Variants in SLC4A4 observed in about 807,000 individuals in gnomAD.
SLC4A4 encodes electrogenic sodium bicarbonate cotransporter 1.
SLC4A4 carries 27 observed loss-of-function variants against 111.5 expected under a neutral mutation model. The ratio of observed to expected loss-of-function variants is 0.24; its 90% CI spans 0.18 to 0.33. SLC4A4 has a LOEUF of 0.33. Among genes scored for constraint, SLC4A4 ranks in the 10% least tolerant of loss-of-function variants. The probability of loss-of-function intolerance (pLI) is 1.00; values close to 1 mark genes in which losing one functional copy is unlikely to be tolerated. For missense variants in SLC4A4, 909 were observed against 1,315.5 expected, an observed-to-expected ratio of 0.69 and a Z score of 4.78; for synonymous variants, 443 against 463.4, an observed-to-expected ratio of 0.96 and a Z score of 0.57.
intron 2 of SLC4A4, among the ~76,000 whole-genome samples, chr4:71,155,553 C>A (rs1304241400): frequency 6.6e-6 from 1 of 152,126 alleles, no homozygotes; most frequent in Non-Finnish European, 1.5e-5. Context: ...GCCTTGAACT[C>A]CTGGGTTCAA....
intron 2 of SLC4A4, among the ~76,000 whole-genome samples, chr4:71,149,110 C>T (rs1243062660): frequency 6.6e-6 from 1 of 152,092 alleles, no homozygotes; most frequent in African/African-American, 2.4e-5. Flanking sequence ...CTAAGGTCCT[C>T]TCTAGAAATA....
At chr4:71,242,219 T>G (rs1720302185) in intron 2 of SLC4A4, among the ~76,000 whole-genome samples, 1 of 152,226 alleles carries the variant, frequency 6.6e-6, no homozygotes, top group African/African-American at 2.4e-5. Context: ...ACGTGGTACT[T>G]GCATTGTGTT....
Position 71,572,003 on chromosome 4 carries a change from A to G in SLC4A4, c.*4252A>G, listed in dbSNP as rs570693028. 1 of 152,320 alleles carries G rather than the reference A, an allele frequency of 6.6e-6. No individual in the cohort carries two copies. Among genetic ancestry groups the G allele is most frequent in the Non-Finnish European group, 1.5e-5 (1 of 67,914 alleles). The allele number at this position is 152,320 out of a possible 1,614,324, so 9.4% of individuals were successfully genotyped here. A position where few individuals can be genotyped will look rare whatever the true frequency, so the allele number is the denominator to read the frequency against. ...TTCTATTGTGACTTTTATGGAATTA[A>G]GAGATGAAGAAGATGAGATATTTTA... On this transcript the variant is annotated 3_prime_UTR_variant, in exon 26 of 26. Coordinates refer to ENST00000264485, the MANE Select transcript of SLC4A4 (RefSeq NM_001098484.3).
At chr4:71,137,890 G>A (rs1035320895) in intron 2 of SLC4A4, among the ~76,000 whole-genome samples, 1 of 152,142 alleles carries the variant, frequency 6.6e-6, no homozygotes, top group Admixed American at 6.5e-5. Context: ...ATTTCACAAA[G>A]AAACAAACCC....
chr4:71,226,423 C>T (rs1439564679), intron 1 of SLC4A4, among the ~76,000 whole-genome samples: 1 of 152,094 alleles, frequency 6.6e-6, no homozygotes, highest in Non-Finnish European at 1.5e-5. Flanking sequence ...GGTCCAGGTA[C>T]CTCTTAATTT....
chr4:71,474,666 G>A (rs1295017819), intron 14 of SLC4A4, among the ~76,000 whole-genome samples: 1 of 151,608 alleles, frequency 6.6e-6, no homozygotes, highest in Non-Finnish European at 1.5e-5. Flanking sequence ...TTCTTTTTGT[G>A]TTAAGATAAA....
rs1733091174 is a variant in SLC4A4, at chr4:71,522,982, T to G, written c.2167-9080T>G. ...TTAGCTGTATTCTAGAACCATTTTT[T>G]TAATTGACATTTTGGTCTGTGGCCA... is the stretch of plus-strand genomic sequence containing the variant. On this transcript the variant is annotated intron_variant, in intron 16 of 25. Transcript: ENST00000264485. Among the ~76,000 whole-genome samples the G allele has an allele frequency of 2.6e-5, 4 of 152,198 alleles. No individual in the cohort carries two copies. In the South Asian group the frequency reaches 8.3e-4, roughly 32 times the overall value.
intron 2 of SLC4A4, among the ~76,000 whole-genome samples, chr4:71,155,898 G>A (rs1744449353): frequency 6.6e-6 from 1 of 152,146 alleles, no homozygotes; most frequent in Non-Finnish European, 1.5e-5. Context: ...CATTTGATAT[G>A]ACAGCTATTG....
intron 2 of SLC4A4, among the ~76,000 whole-genome samples, chr4:71,114,474 CA>C (rs1466331360): frequency 3.0e-4 from 44 of 148,958 alleles, no homozygotes; most frequent in African/African-American, 1.0e-3. Flanking sequence ...ACAATGAACT[CA>C]AACAAATTTA....
intron 3 of SLC4A4, among the ~76,000 whole-genome samples, chr4:71,306,155 A>C (rs1285548765): frequency 1.3e-5 from 2 of 152,204 alleles, no homozygotes; most frequent in Admixed American, 1.3e-4. Flanking sequence ...TCTTAGTGAC[A>C]GTACACCAGG....
At chr4:71,115,188 G>A (rs1335344382) in intron 2 of SLC4A4, among the ~76,000 whole-genome samples, 1 of 130,450 alleles carries the variant, frequency 7.7e-6, no homozygotes, top group African/African-American at 2.9e-5. Flanking sequence ...GACTGTTGTG[G>A]GGTGGGGGGA....
intron 24 of SLC4A4, among the ~76,000 whole-genome samples, chr4:71,565,425 C>A (rs1181634250): frequency 4.0e-5 from 6 of 151,856 alleles, no homozygotes; most frequent in African/African-American, 1.4e-4. Context: ...AACTCTCACC[C>A]TGCTCTGTCT....
At chr4:71,360,109 G>A (rs913750521) in intron 6 of SLC4A4, among the ~76,000 whole-genome samples, 4 of 152,042 alleles carry the variant, frequency 2.6e-5, no homozygotes, top group Admixed American at 6.6e-5. Context: ...CAAAGATAAC[G>A]AATACTGAAA....
chr4:71,359,309 A>C (rs904645548), intron 6 of SLC4A4, among the ~76,000 whole-genome samples: 12 of 152,222 alleles, frequency 7.9e-5, no homozygotes, highest in Middle Eastern at 3.2e-3. Context: ...AAGGGTATGC[A>C]GTTCTTTTCC....
intron 6 of SLC4A4, among the ~76,000 whole-genome samples, chr4:71,394,109 A>T (rs1465329543): frequency 1.3e-5 from 2 of 152,194 alleles, no homozygotes; most frequent in African/African-American, 4.8e-5. Flanking sequence ...TTAAGCAAGG[A>T]TTTCATGACG....
chr4:71,164,389 A>C (rs1405618119), intron 2 of SLC4A4, among the ~76,000 whole-genome samples: 1 of 152,020 alleles, frequency 6.6e-6, no homozygotes, highest in African/African-American at 2.4e-5. Flanking sequence ...CCAAAAAAAA[A>C]AAAAAAAAGC....
At chr4:71,332,724 G>T (rs1728116048) in intron 3 of SLC4A4, among the ~76,000 whole-genome samples, 1 of 152,168 alleles carries the variant, frequency 6.6e-6, no homozygotes, top group African/African-American at 2.4e-5. Context: ...GAGCCACCGC[G>T]CCCGGCCGAC....
intron 2 of SLC4A4, among the ~76,000 whole-genome samples, chr4:71,239,332 G>T (rs537309820): frequency 6.6e-6 from 1 of 152,234 alleles, no homozygotes; most frequent in East Asian, 1.9e-4. Context: ...GATTATTAAA[G>T]TAACTAAGGT....
intron 2 of SLC4A4, among the ~76,000 whole-genome samples, chr4:71,245,163 G>A (rs1377742003): frequency 1.3e-5 from 2 of 152,192 alleles, no homozygotes; most frequent in African/African-American, 4.8e-5. Flanking sequence ...TAAGGCTACA[G>A]TAGCTGGACC....
Sources: gnomAD v4.1 joint callset for allele counts (sites outside exome capture counted in the v4.1 genomes callset) on GRCh38, gnomAD v4.1.1 for gene constraint, MANE v1.5 for transcripts, NCBI Gene and HGNC (gene_info 2026-07-23, HGNC 2026-07-21) for gene names.